TRMT11: variants seen among roughly 807,000 people sequenced by gnomAD.
TRMT11 encodes tRNA methyltransferase 11, also known as tRNA (guanine(10)-N(2))-methyltransferase TRMT11.
TRMT11 carries 53 observed loss-of-function variants against 62.8 expected under a neutral mutation model. That is an observed-to-expected ratio of 0.84 (90% CI 0.68 to 1.06). TRMT11 has a LOEUF of 1.06. Among genes scored for constraint, TRMT11 ranks in the 50% least tolerant of loss-of-function variants. TRMT11 has a pLI of 0.00. For missense variants in TRMT11, 556 were observed against 553.4 expected (o/e 1.00, Z -0.05); for synonymous variants, 188 against 190.3 (o/e 0.99, Z 0.10).
rs371698978 is a variant in TRMT11 at position 125,995,979 on chromosome 6, A to T, written c.151A>T (p.Ile51Phe). The T allele has an allele frequency of 1.8e-5, 29 of 1,609,070 alleles. No individual in the cohort carries two copies. The highest frequency in any genetic ancestry group is 2.4e-5 in the Non-Finnish European group (28 of 1,175,590). ...TTATTTCTTTTAGTCACCATTTTGGATTCTTAGCATTCCCTCTGAAGATAT... is the reference window on the plus strand; with the variant it reads ...TTATTTCTTTTAGTCACCATTTTGGTTTCTTAGCATTCCCTCTGAAGATAT... ...QETYGKSPFW[I>F]LSIPSEDIAR... Residue 51 changes from isoleucine (I) to phenylalanine (F), a missense_variant, in exon 3 of 13, where the codon ATT becomes TTT. Coordinates refer to ENST00000334379, the MANE Select transcript of TRMT11 (RefSeq NM_001031712.3).
the TRMT11 span, among the ~76,000 whole-genome samples, chr6:126,270,993 A>G: frequency 6.6e-6 from 1 of 152,188 alleles, no homozygotes; most frequent in African/African-American, 2.4e-5. Context: ...TTTGTGAAGT[A>G]TAATATCTTA....
At chr6:126,210,703 A>T in the TRMT11 span, among the ~76,000 whole-genome samples, 1 of 152,306 alleles carries the variant, frequency 6.6e-6, no homozygotes, top group Non-Finnish European at 1.5e-5. Context: ...TCTTAAAGCT[A>T]TCTCAATTGC....
intron 8 of TRMT11, among the ~76,000 whole-genome samples, chr6:126,010,771 C>T (rs150448551): frequency 1.1e-4 from 17 of 152,222 alleles, no homozygotes; most frequent in Admixed American, 3.3e-4. Flanking sequence ...AAGGAACTTA[C>T]GAGCTTCTTT....
chr6:126,231,451 T>G, the TRMT11 span, among the ~76,000 whole-genome samples: 3 of 152,242 alleles, frequency 2.0e-5, no homozygotes, highest in Non-Finnish European at 4.4e-5. Flanking sequence ...AAAATATATG[T>G]AGATACTAGT....
intron 11 of TRMT11, among the ~76,000 whole-genome samples, chr6:126,017,846 A>G (rs1267192029): frequency 3.9e-5 from 6 of 152,242 alleles, no homozygotes; most frequent in East Asian, 3.8e-4. Flanking sequence ...ATGTGTTGCA[A>G]TCATGTGTAC....
At chr6:126,062,941 A>T (rs187017636) in intron 17 of TRMT11, among the ~76,000 whole-genome samples, 6 of 152,356 alleles carry the variant, frequency 3.9e-5, no homozygotes, top group Admixed American at 3.9e-4. Flanking sequence ...GATTCTGGTG[A>T]AACACTGGCT....
the TRMT11 span, among the ~76,000 whole-genome samples, chr6:126,217,811 C>A: frequency 1.3e-5 from 2 of 152,260 alleles, no homozygotes; most frequent in East Asian, 3.9e-4. Context: ...TGAAATCAGT[C>A]AGGTTTGTGT....
chr6:125,993,825 A>G lies in TRMT11; in HGVS notation c.138+3A>G. 6.2e-7 allele frequency: 1 copy of G among 1,601,040 alleles called. No individual in the cohort carries two copies. Among genetic ancestry groups the G allele is most frequent in the Non-Finnish European group, 8.6e-7 (1 of 1,168,694 alleles). ...GCAGTCAAGAAACTTATGGAAAGGT[A>G]AGTTAAATTTTCATTAGACCATATG... On this transcript the variant is annotated splice_donor_region_variant and intron_variant, in intron 2 of 12. Transcript: ENST00000334379.
the TRMT11 span, among the ~76,000 whole-genome samples, chr6:126,261,842 G>T: frequency 6.6e-6 from 1 of 152,208 alleles, no homozygotes; most frequent in Non-Finnish European, 1.5e-5. Flanking sequence ...AAGAGGCTCT[G>T]TCAGGCTTTC....
At chr6:126,136,257 CA>C (rs1014332166) in intron 21 of TRMT11, among the ~76,000 whole-genome samples, 82 of 150,846 alleles carry the variant, frequency 5.4e-4, no homozygotes, top group African/African-American at 1.9e-3. Flanking sequence ...AAGACTCTGC[CA>C]AAAAACTTTT....
rs761549396 is a variant in TRMT11, at chr6:125,998,294, A to G, written c.366A>G (p.Glu122=). 8 of 1,598,696 alleles carry G rather than the reference A, an allele frequency of 5.0e-6. No homozygotes were observed. The Middle Eastern group carries it at 6.7e-4, about 133-fold the overall frequency. ...IHTFNKTLTQ[E]EKIKRIDALE... is the part of the protein sequence containing the mutation. ...CTTTTAATAAGACATTGACACAAGA[A>G]GAGAAAATCAAGCGAATAGATGTAA... Residue 122 remains glutamate, a synonymous_variant, in exon 5 of 13, where the codon GAA becomes GAG. Transcript: ENST00000334379.
intron 21 of TRMT11, among the ~76,000 whole-genome samples, chr6:126,120,502 T>C (rs1446008099): frequency 6.6e-6 from 1 of 152,140 alleles, no homozygotes; most frequent in Non-Finnish European, 1.5e-5. Context: ...ACCTAAAATA[T>C]GGATGTCCTC....
chr6:126,196,553 A>C (rs186910790), intron 1 of TRMT11, among the ~76,000 whole-genome samples: 41 of 152,124 alleles, frequency 2.7e-4, no homozygotes, highest in Non-Finnish European at 2.5e-4. Context: ...ATTTGACATA[A>C]CTAGAAGATA....
At position 126,020,419 on chromosome 6, in the gene TRMT11, A is replaced by G. The variant is rs115303854; in HGVS notation, c.1140-741A>G. ...TCTTTGGCCAAGATTGATGCTAACA[A>G]CCTGTCAGATGCCAGATTCTGAACT... On this transcript the variant is annotated intron_variant, in intron 11 of 12. Transcript: ENST00000334379. Among the ~76,000 whole-genome samples, 1,198 of 152,232 alleles carry G rather than the reference A, an allele frequency of 7.9e-3. 11 individuals carry two copies. Among genetic ancestry groups the G allele is most frequent in the African/African-American group, 0.028 (1,156 of 41,546 alleles).
At position 126,029,786 on chromosome 6, in the gene TRMT11, G is replaced by A. The variant is rs575585153; in HGVS notation, c.1260+8506G>A. Among the ~76,000 whole-genome samples, 5 of 152,238 alleles carry A rather than the reference G, an allele frequency of 3.3e-5. No individual in the cohort carries two copies. In the East Asian group the frequency reaches 9.6e-4, roughly 29 times the overall value. Reference sequence around the variant, plus strand: ...GACTTTGTATTCTTTTATCATTTAAGATAAAGTTTTGACTTTTATAAAGTA... The same window carrying A: ...GACTTTGTATTCTTTTATCATTTAAAATAAAGTTTTGACTTTTATAAAGTA... On this transcript the variant is annotated intron_variant, in intron 12 of 12. Coordinates refer to ENST00000334379, the MANE Select transcript of TRMT11 (RefSeq NM_001031712.3).
intron 17 of TRMT11, among the ~76,000 whole-genome samples, chr6:126,106,839 A>C (rs1344825999): frequency 3.3e-5 from 5 of 151,840 alleles, no homozygotes. Flanking sequence ...GTATTGGTGT[A>C]TACATCAGTA....
intron 16 of TRMT11, among the ~76,000 whole-genome samples, chr6:126,049,122 T>C (rs1776141132): frequency 6.6e-6 from 1 of 152,234 alleles, no homozygotes; most frequent in African/African-American, 2.4e-5. Context: ...ACATTTGTTC[T>C]ATATTTTCTC....
the TRMT11 span, among the ~76,000 whole-genome samples, chr6:126,245,365 A>G: frequency 6.6e-6 from 1 of 152,230 alleles, no homozygotes; most frequent in Non-Finnish European, 1.5e-5. Context: ...TCTAATTTGA[A>G]ACTGTTCACC....
At chr6:126,109,142 C>T (rs1266035991) in intron 17 of TRMT11, among the ~76,000 whole-genome samples, 1 of 152,066 alleles carries the variant, frequency 6.6e-6, no homozygotes, top group South Asian at 2.1e-4. Flanking sequence ...AAAGTAAATT[C>T]TCATATACCC....
Sources: allele counts gnomAD v4.1 joint callset (sites outside exome capture counted in the v4.1 genomes callset), GRCh38; gene constraint gnomAD v4.1.1; transcripts MANE v1.5; gene names NCBI Gene and HGNC (gene_info 2026-07-23, HGNC 2026-07-21).